DPP10: variants seen among roughly 807,000 people sequenced by gnomAD.
DPP10 encodes inactive dipeptidyl peptidase 10.
In DPP10, 33 loss-of-function variants were observed where a neutral mutation model predicts 120.9. That is an observed-to-expected ratio of 0.27 (90% CI 0.21 to 0.37). DPP10 has a LOEUF of 0.37. Among genes scored for constraint, DPP10 ranks in the 10% least tolerant of loss-of-function variants. DPP10 has a pLI of 1.00. For synonymous variants in DPP10, 337 were observed against 326.1 expected (o/e 1.03, Z -0.36); for missense variants, 816 against 942.8 (o/e 0.87, Z 1.76).
chr2:115,209,585 A>G (rs142750040), intron 1 of DPP10, among the ~76,000 whole-genome samples: 5 of 152,042 alleles, frequency 3.3e-5, no homozygotes, highest in African/African-American at 1.2e-4. Context: ...TTCTTTGTTT[A>G]TTCTAACTTT....
At chr2:115,419,997 A>C (rs576262367) in intron 3 of DPP10, among the ~76,000 whole-genome samples, 2 of 152,164 alleles carry the variant, frequency 1.3e-5, no homozygotes, top group Admixed American at 1.3e-4. Context: ...TGAGGGAAAA[A>C]ATGTGTTATG....
At chr2:114,825,701 C>T (rs1380153193) in intron 1 of DPP10, among the ~76,000 whole-genome samples, 6 of 152,154 alleles carry the variant, frequency 3.9e-5, no homozygotes, top group African/African-American at 9.7e-5. Flanking sequence ...GATAAAGAGA[C>T]ATATGCAATT....
chr2:114,868,175 ATGCATTTATGTAAAATG>A (rs1690390572), intron 1 of DPP10, among the ~76,000 whole-genome samples: 1 of 152,192 alleles, frequency 6.6e-6, no homozygotes, highest in Admixed American at 6.5e-5. Flanking sequence ...GCACAACCTG[ATGCATTTATGTAAAATG>A]TGCTTGTTAC....
At chr2:115,350,618 C>A (rs138117798) in intron 3 of DPP10, among the ~76,000 whole-genome samples, 1 of 152,032 alleles carries the variant, frequency 6.6e-6, no homozygotes, top group Non-Finnish European at 1.5e-5. Flanking sequence ...CAGAGAGGAG[C>A]GTGAGGTTAC....
At chr2:115,187,138 G>A (rs920071755) in intron 1 of DPP10, among the ~76,000 whole-genome samples, 4 of 134,942 alleles carry the variant, frequency 3.0e-5, no homozygotes, top group South Asian at 5.2e-4. Context: ...CCGGGTTCAC[G>A]CCATTCTCCT....
At chr2:115,392,138 A>T (rs2067359972) in intron 3 of DPP10, among the ~76,000 whole-genome samples, 1 of 152,020 alleles carries the variant, frequency 6.6e-6, no homozygotes, top group African/African-American at 2.4e-5. Flanking sequence ...CAATTTACTT[A>T]TTCTCTGTTG....
intron 1 of DPP10, among the ~76,000 whole-genome samples, chr2:114,499,322 G>C (rs535828847): frequency 3.9e-5 from 6 of 152,254 alleles, no homozygotes; most frequent in African/African-American, 1.4e-4. Flanking sequence ...TTTGAGCAAG[G>C]GCTGTTAGAA....
intron 1 of DPP10, among the ~76,000 whole-genome samples, chr2:114,745,936 A>C (rs1484350921): frequency 6.6e-6 from 1 of 152,168 alleles, no homozygotes; most frequent in African/African-American, 2.4e-5. Context: ...TTGGTCTTTC[A>C]AAGCAATTGA....
intron 19 of DPP10, among the ~76,000 whole-genome samples, chr2:115,807,802 AC>A (rs1466051792): frequency 2.7e-5 from 4 of 150,158 alleles, no homozygotes; most frequent in Admixed American, 6.7e-5. Context: ...AAAAAAAAAA[AC>A]ATTAAAACAT....
chr2:114,609,592 A>C (rs1693115371), intron 1 of DPP10, among the ~76,000 whole-genome samples: 1 of 151,950 alleles, frequency 6.6e-6, no homozygotes, highest in African/African-American at 2.4e-5. Context: ...TTGTTTTACA[A>C]GTGAGGAAAT....
intron 19 of DPP10, among the ~76,000 whole-genome samples, chr2:115,803,684 G>T (rs3980836): frequency 0.97 from 147,917 of 152,204 alleles, 72,038 homozygotes; most frequent in East Asian, 1. Context: ...TCTCCTTCAC[G>T]TATGAAGCTC....
At position 115,595,765 on chromosome 2, in the gene DPP10, AT is replaced by A. The variant is rs371768668; in HGVS notation, c.441+69800del. Among the ~76,000 whole-genome samples, 101 of 151,874 alleles carry A rather than the reference AT, an allele frequency of 6.7e-4. 1 individual carries two copies. The East Asian group carries it at 8.5e-3, about 13-fold the overall frequency. ...CTATATCCGTTTAGTTTTATCCATC[AT>A]TTTTTTCTTTAATTTAAAACAATTC... On this transcript the variant is annotated intron_variant, in intron 5 of 25. Transcript: ENST00000410059.
intron 25 of DPP10, 115 bp from the exon 26 acceptor site, chr2:115,842,095 GA>G: frequency 5.8e-6 from 6 of 1,027,328 alleles, no homozygotes; most frequent in Non-Finnish European, 8.0e-6. Flanking sequence ...AATTAGGTTT[GA>G]TTTTGGTCAG....
rs114596531 is a variant in DPP10 at position 114,624,977 on chromosome 2, A to C, written c.60+182139A>C. On this transcript the variant is annotated intron_variant, in intron 1 of 25. Transcript: ENST00000410059. The stretch of plus-strand genomic sequence containing the variant: ...TGTAAATAATTAAATATGCATCTCC[A>C]AGAGATAATGACTCCTTGAAAATAT... Among the ~76,000 whole-genome samples the C allele has an allele frequency of 7.2e-3, 1,088 of 152,100 alleles. 11 individuals carry two copies. The highest frequency in any genetic ancestry group is 0.025 in the African/African-American group (1,032 of 41,542).
chr2:114,763,954 T>C (rs1680494502), intron 1 of DPP10, among the ~76,000 whole-genome samples: 1 of 152,214 alleles, frequency 6.6e-6, no homozygotes, highest in South Asian at 2.1e-4. Flanking sequence ...CAGAGTACTC[T>C]TTCCTTTATA....
intron 4 of DPP10, among the ~76,000 whole-genome samples, 157 bp downstream of exon 4, chr2:115,499,761 TA>T (rs1463897818): frequency 6.6e-6 from 1 of 152,040 alleles, no homozygotes; most frequent in Non-Finnish European, 1.5e-5. Context: ...AATCTATTGA[TA>T]AAAAATACCC....
In DPP10 at chr2:114,799,077, C is replaced by T. The variant is rs562810188; in HGVS notation, c.60+356239C>T. Among the ~76,000 whole-genome samples the T allele has an allele frequency of 5.8e-4, 88 of 152,152 alleles. 1 individual carries two copies. The highest frequency in any genetic ancestry group is 2.0e-3 in the African/African-American group (83 of 41,504). The stretch of plus-strand genomic sequence containing the variant: ...CTGAGAGGCGGAGGTTGCAGTGAGT[C>T]GAGATCGTGCCATTGCACTCCAGCC... On this transcript the variant is annotated intron_variant, in intron 1 of 25. Transcript: ENST00000410059.
chr2:115,293,926 G>A (rs973203808), intron 1 of DPP10, among the ~76,000 whole-genome samples: 3 of 152,092 alleles, frequency 2.0e-5, no homozygotes, highest in African/African-American at 7.2e-5. Context: ...TGACAGCCAA[G>A]TCAAAAGATG....
intron 1 of DPP10, among the ~76,000 whole-genome samples, chr2:115,056,199 C>A (rs995225091): frequency 3.3e-5 from 5 of 152,064 alleles, no homozygotes; most frequent in African/African-American, 1.2e-4. Context: ...GAGGGTGAGG[C>A]AGGGCATATA....
Sources: allele counts gnomAD v4.1 joint callset (sites outside exome capture counted in the v4.1 genomes callset), GRCh38; gene constraint gnomAD v4.1.1; transcripts MANE v1.5; gene names NCBI Gene and HGNC (gene_info 2026-07-23, HGNC 2026-07-21).